The following NCKAP5 variants were observed in gnomAD, a reference collection of about 807,000 sequenced individuals.
The protein encoded by NCKAP5 is NCK associated protein 5, also known as nck-associated protein 5.
Under a neutral mutation model 167.0 loss-of-function variants are expected in NCKAP5, and 92 were observed. The ratio of observed to expected loss-of-function variants is 0.55; its 90% CI spans 0.47 to 0.66. The LOEUF is 0.66. Among genes scored for constraint, NCKAP5 ranks in the 30% least tolerant of loss-of-function variants. The pLI, the probability that NCKAP5 is intolerant of heterozygous loss-of-function variation, is 0.00. For missense variants in NCKAP5, 2,378 were observed against 2,315.0 expected (o/e 1.03, Z -0.56); for synonymous variants, 891 against 877.4 (o/e 1.02, Z -0.27).
chr2:133,296,801 T>G lies in NCKAP5; in HGVS notation c.143+6236A>C, dbSNP rs115081373. On this transcript the variant is annotated intron_variant, in intron 4 of 19. Coordinates refer to ENST00000409261, the MANE Select transcript of NCKAP5 (RefSeq NM_207363.3). ...AGTCCCCAAAACCTCCAGTCCAGTT[T>G]TCTTCCTATTGTGTAGTATTATGCT... Among the ~76,000 whole-genome samples the G allele has an allele frequency of 3.7e-3, 557 of 152,336 alleles. 5 individuals are homozygous for G. The highest frequency in any genetic ancestry group is 0.012 in the African/African-American group (498 of 41,574).
intron 7 of NCKAP5, among the ~76,000 whole-genome samples, chr2:132,975,831 A>G (rs183804323): frequency 8.5e-5 from 13 of 152,280 alleles, no homozygotes; most frequent in Admixed American, 8.5e-4. Flanking sequence ...TTGCAATTCA[A>G]ATTCAATCCC....
At chr2:132,825,400 A>G (rs1453546675) in intron 11 of NCKAP5, among the ~76,000 whole-genome samples, 6 of 152,204 alleles carry the variant, frequency 3.9e-5, no homozygotes, top group Non-Finnish European at 5.9e-5. Flanking sequence ...AGAGGAAGAC[A>G]AAAATCTGGA....
chr2:132,898,899 T>C lies in NCKAP5; in HGVS notation c.580-19983A>G, dbSNP rs552024770. On this transcript the variant is annotated intron_variant, in intron 8 of 19. Transcript: ENST00000409261. ...AGCATAATTGTTAAGGGCCATAGGA[T>C]TTTTCAAATGGTATATGAGCATTGG... 5.5e-4 allele frequency among the ~76,000 whole-genome samples: 83 copies of C among 152,256 alleles called. 3 individuals carry two copies. In the South Asian group the frequency reaches 0.017, roughly 32 times the overall value.
intron 8 of NCKAP5, among the ~76,000 whole-genome samples, chr2:132,949,559 C>G (rs1332698969): frequency 1.3e-5 from 2 of 152,168 alleles, no homozygotes; most frequent in African/African-American, 2.4e-5. Flanking sequence ...CCAGACAGAC[C>G]CTGAGCTTCA....
intron 7 of NCKAP5, among the ~76,000 whole-genome samples, chr2:132,974,179 G>A (rs541745772): frequency 6.6e-6 from 1 of 152,196 alleles, no homozygotes; most frequent in East Asian, 1.9e-4. Context: ...GAAATTACAG[G>A]GATATGAAGA....
chr2:133,595,824 C>G, the NCKAP5 span, among the ~76,000 whole-genome samples: 17 of 152,254 alleles, frequency 1.1e-4, no homozygotes, highest in South Asian at 1.2e-3. Context: ...GTTCCACTGA[C>G]TCTTTATCTA....
chr2:133,157,340 C>T (rs1224959451), intron 5 of NCKAP5, among the ~76,000 whole-genome samples: 1 of 152,140 alleles, frequency 6.6e-6, no homozygotes, highest in Non-Finnish European at 1.5e-5. Context: ...ATCTCCACCA[C>T]CTATGAAAAG....
At chr2:133,362,921 T>C (rs1174018436) in intron 3 of NCKAP5, among the ~76,000 whole-genome samples, 1 of 151,724 alleles carries the variant, frequency 6.6e-6, no homozygotes, top group East Asian at 1.9e-4. Flanking sequence ...GCCAGGCTAG[T>C]TTTTTCGTTT....
At chr2:132,921,132 G>A (rs1035173046) in intron 8 of NCKAP5, among the ~76,000 whole-genome samples, 3 of 151,794 alleles carry the variant, frequency 2.0e-5, no homozygotes, top group Admixed American at 6.6e-5. Context: ...ATCCTCTCAC[G>A]AAGCTTTATC....
chr2:133,473,883 A>C (rs2151291943), intron 3 of NCKAP5, among the ~76,000 whole-genome samples: 1 of 152,336 alleles, frequency 6.6e-6, no homozygotes, highest in African/African-American at 2.4e-5. Flanking sequence ...TTCAAGAGCA[A>C]AAATGCATAA....
In NCKAP5 at chr2:132,963,723, T is replaced by C. The variant is rs2149206428; in HGVS notation, c.576A>G (p.Leu192=). ...TAAAAATTGCTTCATTTCTTACCTCTAGAGCTTTCAATCTCTCTAATAGCA... is the reference window on the plus strand; with the variant it reads ...TAAAAATTGCTTCATTTCTTACCTCCAGAGCTTTCAATCTCTCTAATAGCA... ...TKLLLERLKA[L]EAENSALALE... is the part of the protein sequence containing the mutation. The change falls in exon 8 of 20, where the codon CTA becomes CTG. Residue 192 remains leucine (L), a synonymous_variant. Transcript: ENST00000409261. 1 of 1,613,696 alleles carries C rather than the reference T, an allele frequency of 6.2e-7. No homozygotes were observed. Among genetic ancestry groups the C allele is most frequent in the Middle Eastern group, 1.7e-4 (1 of 6,058 alleles).
chr2:132,907,691 T>A (rs1694109807), intron 8 of NCKAP5, among the ~76,000 whole-genome samples: 1 of 152,128 alleles, frequency 6.6e-6, no homozygotes, highest in Admixed American at 6.5e-5. Flanking sequence ...GGAGTCTCGC[T>A]GTGTTGCCCA....
chr2:133,085,086 G>C (rs964104234), intron 6 of NCKAP5, among the ~76,000 whole-genome samples: 10 of 152,092 alleles, frequency 6.6e-5, no homozygotes, highest in African/African-American at 2.4e-4. Context: ...AAACAGTCAG[G>C]GTGGGGAGAT....
chr2:133,107,946 T>C (rs944570202), intron 6 of NCKAP5, among the ~76,000 whole-genome samples: 2 of 152,212 alleles, frequency 1.3e-5, no homozygotes, highest in African/African-American at 4.8e-5. Flanking sequence ...CCTCTTCCAA[T>C]AGTCTCTAAT....
the NCKAP5 span, among the ~76,000 whole-genome samples, chr2:133,616,717 A>G: frequency 6.6e-6 from 1 of 152,076 alleles, no homozygotes. Flanking sequence ...GAATTCTACC[A>G]GAGGTACAAG....
chr2:132,770,979 G>A (rs548829710), intron 16 of NCKAP5, among the ~76,000 whole-genome samples: 39 of 152,144 alleles, frequency 2.6e-4, no homozygotes, highest in Non-Finnish European at 4.3e-4. Context: ...CACATATAAT[G>A]ATGTATAGTA....
intron 3 of NCKAP5, among the ~76,000 whole-genome samples, chr2:133,442,324 C>T (rs1314334747): frequency 6.6e-6 from 1 of 152,174 alleles, no homozygotes; most frequent in Admixed American, 6.5e-5. Context: ...AGACGACCCT[C>T]CTCTGGAGGG....
chr2:132,758,392 A>C (rs1680730131), intron 16 of NCKAP5, among the ~76,000 whole-genome samples: 1 of 152,216 alleles, frequency 6.6e-6, no homozygotes, highest in Non-Finnish European at 1.5e-5. Context: ...AAAAATAAAT[A>C]CATGAATCAC....
At chr2:133,052,264 C>A (rs1365064443) in intron 6 of NCKAP5, among the ~76,000 whole-genome samples, 1 of 152,192 alleles carries the variant, frequency 6.6e-6, no homozygotes, top group Admixed American at 6.5e-5. Flanking sequence ...CATCACGTAA[C>A]AGAACTCATA....
Sources: allele counts gnomAD v4.1 joint callset (sites outside exome capture counted in the v4.1 genomes callset), GRCh38; gene constraint gnomAD v4.1.1; transcripts MANE v1.5; gene names NCBI Gene and HGNC (gene_info 2026-07-23, HGNC 2026-07-21).